The following CMIP variants were observed in gnomAD, a reference collection of about 807,000 sequenced individuals.
CMIP encodes c-Maf inducing protein, also known as C-Maf-inducing protein.
A neutral mutation model predicts 97.3 loss-of-function variants in CMIP; 13 were observed. The observed-to-expected ratio is 0.13, with a 90% CI of 0.09 to 0.21. The LOEUF (loss-of-function observed/expected upper bound fraction) is 0.21, where lower values mean the gene tolerates loss of function less well. Among genes scored for constraint, CMIP ranks in the 10% least tolerant of loss-of-function variants. The pLI, the probability that CMIP is intolerant of heterozygous loss-of-function variation, is 1.00. For synonymous variants in CMIP, 538 were observed against 436.3 expected (o/e 1.23, Z -2.91); for missense variants, 847 against 1,024.9 (o/e 0.83, Z 2.37).
chr16:81,476,350 A>G (rs1048441108), intron 1 of CMIP: 57 of 1,390,316 alleles, frequency 4.1e-5, no homozygotes, highest in Non-Finnish European at 5.6e-5. Context: ...AAACCCTGGA[A>G]TGTTCCTGTG....
At chr16:81,490,140 G>A (rs1346293460) in intron 1 of CMIP, among the ~76,000 whole-genome samples, 1 of 152,184 alleles carries the variant, frequency 6.6e-6, no homozygotes, top group Admixed American at 6.5e-5. Context: ...AAGAGGTTAG[G>A]TGTAGCTAAA....
In CMIP at chr16:81,608,538, C is replaced by G. The variant is rs920437579; in HGVS notation, c.426+846C>G. 4.6e-5 allele frequency among the ~76,000 whole-genome samples: 7 copies of G among 152,082 alleles called. No individual in the cohort carries two copies. The South Asian group carries it at 1.5e-3, about 32-fold the overall frequency. The stretch of plus-strand genomic sequence containing the variant: ...AAATCTCATGGAAGATCCTGATTGG[C>G]TCTGCCGTGTTCCCATTCAGCCCCC... On this transcript the variant is annotated intron_variant, in intron 2 of 20. Coordinates refer to ENST00000537098, the MANE Select transcript of CMIP (RefSeq NM_198390.3).
rs758220239 is a variant in CMIP, at chr16:81,696,526, G to A, written c.1531-34G>A. The stretch of plus-strand genomic sequence containing the variant: ...GTCGCCCTTGTCACCGGGGCTGCAT[G>A]CAGCTCACACTTGTGTCTTCCCTTG... On this transcript the variant is annotated intron_variant, in intron 13 of 20. Transcript: ENST00000537098. 3 of 1,588,504 alleles carry A rather than the reference G, an allele frequency of 1.9e-6. No individual in the cohort carries two copies. In the South Asian group the frequency reaches 3.4e-5, roughly 18 times the overall value.
rs183286967 is a variant in CMIP at position 81,658,544 on chromosome 16, T to C, written c.681+728T>C. Among the ~76,000 whole-genome samples, 615 of 152,236 alleles carry C rather than the reference T, an allele frequency of 4.0e-3. 2 individuals are homozygous for C. The highest frequency in any genetic ancestry group is 9.9e-3 in the South Asian group (48 of 4,826). On this transcript the variant is annotated intron_variant, in intron 5 of 20. Transcript: ENST00000537098. ...AAGGAGCCAGAAAGCTTCCTAGAGG[T>C]AGTGCTATCTGAGCTGGGTTTTGAA... is the stretch of plus-strand genomic sequence containing the variant.
At chr16:81,559,071 A>G (rs909145802) in intron 1 of CMIP, among the ~76,000 whole-genome samples, 3 of 152,246 alleles carry the variant, frequency 2.0e-5, no homozygotes, top group Non-Finnish European at 2.9e-5. Flanking sequence ...CCTGCCGCCC[A>G]GAGCCACCAG....
In CMIP at chr16:81,702,641, C is replaced by G; in HGVS notation, c.1916C>G (p.Thr639Ser). 1.9e-6 allele frequency: 3 copies of G among 1,613,550 alleles called. No individual in the cohort carries two copies. The highest frequency in any genetic ancestry group is 2.5e-6 in the Non-Finnish European group (3 of 1,179,712). ...LKELQRKGGP[T>S]RLTLPSKSTD... ...TTGCAGCAAAGGAAAGGCGGGCCCA[C>G]CAGGCTAACACTGCCCTCCAAGTCC... Residue 639 changes from threonine to serine, a missense_variant, in exon 17 of 21, where the codon ACC becomes AGC. Coordinates refer to ENST00000537098, the MANE Select transcript of CMIP (RefSeq NM_198390.3).
At chr16:81,549,081 C>T (rs1233253446) in intron 1 of CMIP, among the ~76,000 whole-genome samples, 18 of 152,162 alleles carry the variant, frequency 1.2e-4, no homozygotes, top group Admixed American at 9.2e-4. Flanking sequence ...GTGGAAAGGG[C>T]GTGGCCCAAA....
At chr16:81,592,982 C>T (rs1317645993) in intron 1 of CMIP, among the ~76,000 whole-genome samples, 1 of 152,258 alleles carries the variant, frequency 6.6e-6, no homozygotes, top group Non-Finnish European at 1.5e-5. Context: ...ATGCCAAGGG[C>T]TGCACCCTGG....
intron 1 of CMIP, among the ~76,000 whole-genome samples, chr16:81,596,087 A>G (rs2150925555): frequency 6.6e-6 from 1 of 152,158 alleles, no homozygotes; most frequent in Admixed American, 6.5e-5. Flanking sequence ...TATCCATCCT[A>G]GTGGGTATGA....
At chr16:81,572,642 A>G (rs940028509) in intron 1 of CMIP, among the ~76,000 whole-genome samples, 1 of 152,158 alleles carries the variant, frequency 6.6e-6, no homozygotes. Flanking sequence ...CGGCCCGCAC[A>G]TGGTCGAGCG....
chr16:81,486,524 C>T (rs1007027512), intron 1 of CMIP, among the ~76,000 whole-genome samples: 2 of 152,196 alleles, frequency 1.3e-5, no homozygotes, highest in East Asian at 1.9e-4. Flanking sequence ...TGCCCAGGGC[C>T]GGGCCACTTT....
intron 6 of CMIP, among the ~76,000 whole-genome samples, chr16:81,663,435 C>T (rs1049314357): frequency 6.6e-6 from 1 of 152,110 alleles, no homozygotes; most frequent in African/African-American, 2.4e-5. Context: ...AAAAGCAAAA[C>T]TATGGAGAAA....
chr16:81,593,298 T>C (rs899794595), intron 1 of CMIP, among the ~76,000 whole-genome samples: 7 of 151,730 alleles, frequency 4.6e-5, no homozygotes, highest in African/African-American at 1.7e-4. Flanking sequence ...CCATGACCCC[T>C]CCTGGGTCCC....
intron 1 of CMIP, among the ~76,000 whole-genome samples, chr16:81,486,508 G>A (rs1368562417): frequency 2.0e-5 from 3 of 152,190 alleles, no homozygotes; most frequent in Middle Eastern, 3.2e-3. Context: ...GTTCATTCAG[G>A]AGGGGTGCCC....
At chr16:81,472,088 G>A (rs934080185) in intron 1 of CMIP, among the ~76,000 whole-genome samples, 4 of 152,230 alleles carry the variant, frequency 2.6e-5, no homozygotes, top group South Asian at 2.1e-4. Context: ...ACACACTCAC[G>A]CACATGCACA....
At chr16:81,450,598 ATTG>A (rs1906146810) in intron 1 of CMIP, among the ~76,000 whole-genome samples, 1 of 152,162 alleles carries the variant, frequency 6.6e-6, no homozygotes, top group African/African-American at 2.4e-5. Context: ...GGAAGGGATT[ATTG>A]TTACCTAAAA....
At chr16:81,706,389 T>C (rs1452136234) in intron 19 of CMIP, among the ~76,000 whole-genome samples, 2 of 151,954 alleles carry the variant, frequency 1.3e-5, no homozygotes, top group Non-Finnish European at 2.9e-5. Context: ...CTGGGTGGCT[T>C]GGGAGGAGGT....
intron 1 of CMIP, among the ~76,000 whole-genome samples, chr16:81,477,138 G>A (rs529978091): frequency 1.2e-4 from 18 of 152,012 alleles, no homozygotes; most frequent in Non-Finnish European, 2.1e-4. Context: ...GATACACATC[G>A]GGCTTGGAAA....
At chr16:81,630,983 C>A (rs989026108) in intron 3 of CMIP, 1 of 152,366 alleles carries the variant, frequency 6.6e-6, no homozygotes, top group Non-Finnish European at 1.5e-5. Context: ...CTGCCAGTCC[C>A]CCGCGAGGGC....
Sources: gnomAD v4.1 joint callset for allele counts (sites outside exome capture counted in the v4.1 genomes callset) on GRCh38, gnomAD v4.1.1 for gene constraint, MANE v1.5 for transcripts, NCBI Gene and HGNC (gene_info 2026-07-23, HGNC 2026-07-21) for gene names.